The following DENND5A variants were observed in gnomAD, a reference collection of about 807,000 sequenced individuals.
DENND5A encodes DENN domain containing 5A.
DENND5A carries 64 observed loss-of-function variants against 140.3 expected under a neutral mutation model. The observed-to-expected ratio is 0.46, with a 90% CI of 0.37 to 0.56. DENND5A has a LOEUF of 0.56. Among genes scored for constraint, DENND5A ranks in the 20% least tolerant of loss-of-function variants. The pLI is 0.00. For missense variants in DENND5A, 1,292 were observed against 1,593.8 expected, an observed-to-expected ratio of 0.81 and a Z score of 3.22; for synonymous variants, 605 against 607.7, an observed-to-expected ratio of 1.00 and a Z score of 0.07.
chr11:9,195,295 C>T (rs1275388192), intron 4 of DENND5A, among the ~76,000 whole-genome samples: 1 of 151,778 alleles, frequency 6.6e-6, no homozygotes, highest in Non-Finnish European at 1.5e-5. Flanking sequence ...AGGCTGGTCA[C>T]GAACTCCCAA....
intron 1 of DENND5A, 129 bp downstream of exon 1, chr11:9,264,832 G>T: frequency 1.3e-6 from 1 of 769,526 alleles, no homozygotes; most frequent in Non-Finnish European, 2.0e-6. Flanking sequence ...CTTCGCCCGC[G>T]CCCGCCCTGG....
intron 1 of DENND5A, among the ~76,000 whole-genome samples, chr11:9,215,110 C>A (rs1034356711): frequency 6.6e-6 from 1 of 152,140 alleles, no homozygotes; most frequent in Non-Finnish European, 1.5e-5. Context: ...TTAAGAGAAA[C>A]CCTGTTACTC....
At chr11:9,143,956 T>C (rs2136112755) in intron 19 of DENND5A, 141 bp downstream of exon 19, 1 of 942,058 alleles carries the variant, frequency 1.1e-6, no homozygotes. Flanking sequence ...GTGCCATATG[T>C]GTGAGGTGGC....
chr11:9,184,210 G>T (rs762192847), intron 5 of DENND5A, among the ~76,000 whole-genome samples: 8 of 152,150 alleles, frequency 5.3e-5, no homozygotes, highest in African/African-American at 1.9e-4. Context: ...AAAATTAGCC[G>T]GGCGTGGTGG....
At chr11:9,165,776 C>T in intron 11 of DENND5A, 60 bp downstream of exon 11, 4 of 1,595,660 alleles carry the variant, frequency 2.5e-6, no homozygotes, top group South Asian at 2.2e-5. Flanking sequence ...AGAGCCAATC[C>T]TTGGTCTTAC....
intron 12 of DENND5A, among the ~76,000 whole-genome samples, chr11:9,159,950 T>TG (rs1281787666): frequency 6.6e-6 from 1 of 152,206 alleles, no homozygotes. Flanking sequence ...AGAACATGTG[T>TG]GGAAGATTGT....
chr11:9,140,229 A>G lies in DENND5A; in HGVS notation c.3681-375T>C, dbSNP rs1847192235. ...GCATGTGCTGGCACTGACATAAGAG[A>G]TTTAATCTTCATGATAACCCTGTGA... On this transcript the variant is annotated intron_variant, in intron 22 of 22. Coordinates refer to ENST00000328194, the MANE Select transcript of DENND5A (RefSeq NM_015213.4). 3 of 1,312,378 alleles carry G rather than the reference A, an allele frequency of 2.3e-6. No homozygotes were observed. The South Asian group carries it at 3.7e-5, about 16-fold the overall frequency. 81.3% of individuals were successfully genotyped at this position (1,312,378 alleles called of 1,614,324 possible). A position where few individuals can be genotyped will look rare whatever the true frequency, so the allele number is the denominator to read the frequency against.
intron 1 of DENND5A, among the ~76,000 whole-genome samples, chr11:9,232,697 G>A (rs1458391041): frequency 6.6e-6 from 1 of 152,076 alleles, no homozygotes; most frequent in East Asian, 1.9e-4. Flanking sequence ...GTATACCTAT[G>A]ACCCAGCAAT....
chr11:9,190,916 G>A (rs1051539102), intron 5 of DENND5A, among the ~76,000 whole-genome samples: 5 of 152,232 alleles, frequency 3.3e-5, no homozygotes, highest in African/African-American at 4.8e-5. Context: ...GAAATACATA[G>A]GCTCAGATAC....
At chr11:9,157,767 T>A (rs1279332489) in intron 12 of DENND5A, among the ~76,000 whole-genome samples, 1 of 152,226 alleles carries the variant, frequency 6.6e-6, no homozygotes, top group Non-Finnish European at 1.5e-5. Context: ...AACTTTGCCA[T>A]TGTGAATAGT....
chr11:9,261,144 C>T (rs898030947), intron 1 of DENND5A, among the ~76,000 whole-genome samples: 2 of 152,168 alleles, frequency 1.3e-5, no homozygotes, highest in Non-Finnish European at 2.9e-5. Context: ...AGCTACTGCG[C>T]CCAGCCTCCA....
intron 5 of DENND5A, among the ~76,000 whole-genome samples, chr11:9,186,036 C>A (rs974414287): frequency 6.6e-6 from 1 of 152,158 alleles, no homozygotes; most frequent in Non-Finnish European, 1.5e-5. Context: ...TTCATAAACT[C>A]TCAATCTATT....
chr11:9,170,493 A>T, intron 9 of DENND5A, 134 bp downstream of exon 9: 1 of 1,175,142 alleles, frequency 8.5e-7, no homozygotes, highest in Non-Finnish European at 1.2e-6. Context: ...CAAACCACCT[A>T]GATAGTCTGG....
At chr11:9,231,812 T>C (rs1319746334) in intron 1 of DENND5A, among the ~76,000 whole-genome samples, 1 of 151,158 alleles carries the variant, frequency 6.6e-6, no homozygotes, top group African/African-American at 2.4e-5. Context: ...TTTATAGTAA[T>C]AAATTCTCTC....
At chr11:9,170,502 G>T in intron 9 of DENND5A, 125 bp downstream of exon 9, 1 of 1,218,744 alleles carries the variant, frequency 8.2e-7, no homozygotes, top group Non-Finnish European at 1.2e-6. Flanking sequence ...TAGATAGTCT[G>T]GGTCTTCTCC....
chr11:9,250,472 TC>T (rs1372087810), intron 1 of DENND5A, among the ~76,000 whole-genome samples: 2 of 151,968 alleles, frequency 1.3e-5, no homozygotes, highest in East Asian at 3.9e-4. Flanking sequence ...CACAAAGAGG[TC>T]GCACTACAGC....
chr11:9,200,750 A>G (rs1849494367), intron 4 of DENND5A, among the ~76,000 whole-genome samples: 1 of 152,012 alleles, frequency 6.6e-6, no homozygotes, highest in African/African-American at 2.4e-5. Context: ...AACTGACATC[A>G]CCTCTCACCT....
chr11:9,163,301 A>T (rs977578785), intron 11 of DENND5A, among the ~76,000 whole-genome samples: 10 of 152,320 alleles, frequency 6.6e-5, no homozygotes, highest in African/African-American at 2.2e-4. Context: ...TTCCAAAATC[A>T]TCATACCAAT....
At chr11:9,244,399 C>T (rs1851375731) in intron 1 of DENND5A, among the ~76,000 whole-genome samples, 1 of 151,754 alleles carries the variant, frequency 6.6e-6, no homozygotes, top group Admixed American at 6.6e-5. Flanking sequence ...GACGGAGTTT[C>T]GCTCTTGTTG....
Sources: allele counts gnomAD v4.1 joint callset (sites outside exome capture counted in the v4.1 genomes callset), GRCh38; gene constraint gnomAD v4.1.1; transcripts MANE v1.5; gene names NCBI Gene and HGNC (gene_info 2026-07-23, HGNC 2026-07-21).